DLG2: variants seen among roughly 807,000 people sequenced by gnomAD.
DLG2 encodes discs large MAGUK scaffold protein 2.
Under a neutral mutation model 132.5 loss-of-function variants are expected in DLG2, and 45 were observed. That is an observed-to-expected ratio of 0.34 (90% CI 0.27 to 0.44). The LOEUF is 0.44. DLG2 is among the 20% of genes least tolerant of loss of function. The pLI, the probability that DLG2 is intolerant of heterozygous loss-of-function variation, is 1.00. For missense variants in DLG2, 1,045 were observed against 1,196.9 expected (o/e 0.87, Z 1.87); for synonymous variants, 424 against 419.6 (o/e 1.01, Z -0.13).
At chr11:83,643,929 C>T (rs1336690650) in intron 18 of DLG2, among the ~76,000 whole-genome samples, 1 of 152,012 alleles carries the variant, frequency 6.6e-6, no homozygotes, top group East Asian at 1.9e-4. Flanking sequence ...ATGTCCATGG[C>T]TGTCTCAGAC....
At chr11:85,358,306 T>C (rs898180376) in intron 3 of DLG2, among the ~76,000 whole-genome samples, 4 of 152,220 alleles carry the variant, frequency 2.6e-5, no homozygotes. Context: ...CCTCACTCTC[T>C]GTGTTTACTC....
chr11:84,281,389 T>A (rs1261863597), intron 7 of DLG2, among the ~76,000 whole-genome samples: 1 of 152,112 alleles, frequency 6.6e-6, no homozygotes, highest in Non-Finnish European at 1.5e-5. Context: ...AAATCATACA[T>A]CTCATAAAGG....
intron 4 of DLG2, among the ~76,000 whole-genome samples, chr11:85,157,994 T>C (rs1566948439): frequency 6.6e-6 from 1 of 151,994 alleles, no homozygotes; most frequent in Non-Finnish European, 1.5e-5. Context: ...CCTGAGGCAG[T>C]TGCCAGGCAA....
intron 3 of DLG2, among the ~76,000 whole-genome samples, chr11:85,297,365 G>A (rs2079299092): frequency 6.6e-6 from 1 of 152,114 alleles, no homozygotes; most frequent in African/African-American, 2.4e-5. Flanking sequence ...CAGTCCCCAA[G>A]TACGACATGA....
intron 6 of DLG2, among the ~76,000 whole-genome samples, chr11:84,838,569 T>C (rs757496405): frequency 5.9e-5 from 9 of 151,928 alleles, no homozygotes; most frequent in African/African-American, 2.2e-4. Flanking sequence ...TGCACATACC[T>C]AGTGTTTCAT....
intron 6 of DLG2, among the ~76,000 whole-genome samples, chr11:84,834,627 G>T (rs1405465716): frequency 1.3e-5 from 2 of 151,554 alleles, no homozygotes; most frequent in African/African-American, 4.8e-5. Flanking sequence ...AGGAAGAGAA[G>T]CAGGGGGTTA....
chr11:84,042,734 G>C (rs971534559), intron 11 of DLG2, among the ~76,000 whole-genome samples: 26 of 151,878 alleles, frequency 1.7e-4, no homozygotes, highest in African/African-American at 6.0e-4. Context: ...TCCTTTAGAG[G>C]GGCATGGATG....
rs541584903 is a variant in DLG2 at position 83,906,898 on chromosome 11, C to T, written c.1496+23430G>A. On this transcript the variant is annotated intron_variant, in intron 15 of 27. Transcript: ENST00000376104. ...TTCTGCAAGGGACTTTCAAGTTTAT[C>T]GGTAACATAAAATAAGCACAGAAAT... 3.3e-5 allele frequency among the ~76,000 whole-genome samples: 5 copies of T among 152,176 alleles called. No individual in the cohort carries two copies. The South Asian group carries it at 8.3e-4, about 25-fold the overall frequency.
chr11:83,976,730 T>C (rs80053528), intron 12 of DLG2, among the ~76,000 whole-genome samples: 1 of 151,962 alleles, frequency 6.6e-6, no homozygotes, highest in East Asian at 1.9e-4. Context: ...GACCTATTAC[T>C]GTTGAAGTTT....
At chr11:83,515,816 C>T (rs2095271803) in intron 21 of DLG2, among the ~76,000 whole-genome samples, 1 of 152,200 alleles carries the variant, frequency 6.6e-6, no homozygotes, top group Non-Finnish European at 1.5e-5. Context: ...TGTTCAGTTT[C>T]CATGTAGTTG....
chr11:84,912,706 A>G (rs901301302), intron 6 of DLG2, among the ~76,000 whole-genome samples: 4 of 152,194 alleles, frequency 2.6e-5, no homozygotes, highest in South Asian at 2.1e-4. Flanking sequence ...CACATCTCCT[A>G]TATGGCGTGA....
intron 16 of DLG2, among the ~76,000 whole-genome samples, chr11:83,850,146 GT>G (rs1216801798): frequency 7.5e-6 from 1 of 132,652 alleles, no homozygotes. Flanking sequence ...GTGTGTGTGT[GT>G]GTGTGTGTGT....
At chr11:83,533,906 T>C (rs2095819982) in intron 20 of DLG2, among the ~76,000 whole-genome samples, 1 of 151,952 alleles carries the variant, frequency 6.6e-6, no homozygotes. Flanking sequence ...AGGTGGAAGA[T>C]AGACTGAAGG....
chr11:84,847,470 A>G (rs1265162119), intron 6 of DLG2, among the ~76,000 whole-genome samples: 3 of 152,172 alleles, frequency 2.0e-5, no homozygotes, highest in Non-Finnish European at 4.4e-5. Context: ...AGTGATGTAC[A>G]ATAAATACCA....
rs116147000 is a variant in DLG2 at position 84,511,844 on chromosome 11, A to G, written c.519+22726T>C. Reference sequence around the variant, plus strand: ...CTGCTTGGAGCTTCTGATTCAATACAACTAAAAGGGCCTTAGAATGTAGAT... The same window carrying G: ...CTGCTTGGAGCTTCTGATTCAATACGACTAAAAGGGCCTTAGAATGTAGAT... On this transcript the variant is annotated intron_variant, in intron 7 of 27. Transcript: ENST00000376104. 1.8e-3 allele frequency among the ~76,000 whole-genome samples: 275 copies of G among 152,264 alleles called. 1 individual carries two copies. The highest frequency in any genetic ancestry group is 6.3e-3 in the African/African-American group (261 of 41,552).
chr11:83,502,559 GT>G (rs2094492995), intron 21 of DLG2, among the ~76,000 whole-genome samples: 1 of 152,044 alleles, frequency 6.6e-6, no homozygotes, highest in Non-Finnish European at 1.5e-5. Context: ...TGGGTATGAA[GT>G]AATATGCTCA....
intron 18 of DLG2, among the ~76,000 whole-genome samples, chr11:83,644,125 C>T (rs2067410766): frequency 6.6e-6 from 1 of 152,092 alleles, no homozygotes. Context: ...CAGGTCTTTC[C>T]TTCAAATACA....
At chr11:84,820,878 T>C (rs956813112) in intron 6 of DLG2, among the ~76,000 whole-genome samples, 1 of 151,872 alleles carries the variant, frequency 6.6e-6, no homozygotes, top group Non-Finnish European at 1.5e-5. Context: ...TTCCATAGTC[T>C]GTGAATTTAG....
intron 8 of DLG2, among the ~76,000 whole-genome samples, chr11:84,241,591 T>G (rs1335503609): frequency 6.6e-6 from 1 of 152,032 alleles, no homozygotes; most frequent in East Asian, 1.9e-4. Context: ...CCCAAGTGAT[T>G]CAAAAAGAAG....
Sources: allele counts gnomAD v4.1 joint callset (sites outside exome capture counted in the v4.1 genomes callset), GRCh38; gene constraint gnomAD v4.1.1; transcripts MANE v1.5; gene names NCBI Gene and HGNC (gene_info 2026-07-23, HGNC 2026-07-21).